The following SLC8A1 variants were observed in gnomAD, a reference collection of about 807,000 sequenced individuals.
The protein encoded by SLC8A1 is solute carrier family 8 member A1.
Under a neutral mutation model 68.3 loss-of-function variants are expected in SLC8A1, and 18 were observed. The ratio of observed to expected loss-of-function variants is 0.26; its 90% CI spans 0.18 to 0.39. The LOEUF is 0.39. SLC8A1 is among the 10% of genes least tolerant of loss of function. The pLI is 1.00. For synonymous variants in SLC8A1, 475 were observed against 415.5 expected (o/e 1.14, Z -1.74); for missense variants, 985 against 1,156.7 (o/e 0.85, Z 2.15).
intron 2 of SLC8A1, among the ~76,000 whole-genome samples, chr2:40,270,445 CT>C (rs2065886186): frequency 6.6e-6 from 1 of 152,220 alleles, no homozygotes. Flanking sequence ...TTCGGACAAT[CT>C]AGAGGAGAAT....
intron 2 of SLC8A1, among the ~76,000 whole-genome samples, chr2:40,240,111 A>G (rs2061013247): frequency 6.6e-6 from 1 of 152,210 alleles, no homozygotes; most frequent in South Asian, 2.1e-4. Flanking sequence ...GGACTCCAGT[A>G]TATCATTTTG....
chr2:40,397,534 C>T (rs1251308007), intron 2 of SLC8A1, among the ~76,000 whole-genome samples: 1 of 152,160 alleles, frequency 6.6e-6, no homozygotes, highest in African/African-American at 2.4e-5. Context: ...ACCATCTACG[C>T]ACTTGAAAGT....
intron 2 of SLC8A1, among the ~76,000 whole-genome samples, chr2:40,372,209 T>A (rs1319893738): frequency 6.6e-6 from 1 of 152,010 alleles, no homozygotes; most frequent in Non-Finnish European, 1.5e-5. Flanking sequence ...GAATGTAAAC[T>A]GATGCCATGG....
At chr2:40,302,411 C>G (rs887516952) in intron 2 of SLC8A1, among the ~76,000 whole-genome samples, 1 of 148,574 alleles carries the variant, frequency 6.7e-6, no homozygotes, top group Admixed American at 6.7e-5. Context: ...TTAATTCATT[C>G]CTTTTTATGG....
chr2:40,415,685 C>G (rs555917811), intron 2 of SLC8A1, among the ~76,000 whole-genome samples: 1 of 152,122 alleles, frequency 6.6e-6, no homozygotes, highest in Admixed American at 6.6e-5. Context: ...TTCCACTTGT[C>G]TCCAAAGAAA....
chr2:40,155,203 C>G (rs2044244678), intron 6 of SLC8A1, among the ~76,000 whole-genome samples: 1 of 152,064 alleles, frequency 6.6e-6, no homozygotes, highest in Non-Finnish European at 1.5e-5. Flanking sequence ...GATCTCTGCT[C>G]ACTGCAAGCT....
intron 2 of SLC8A1, among the ~76,000 whole-genome samples, chr2:40,288,252 T>G (rs181947029): frequency 6.6e-6 from 1 of 152,170 alleles, no homozygotes; most frequent in Non-Finnish European, 1.5e-5. Context: ...AAAATCAACT[T>G]TTCACCTGCT....
chr2:40,372,227 T>A (rs1357157889), intron 2 of SLC8A1, among the ~76,000 whole-genome samples: 1 of 151,950 alleles, frequency 6.6e-6, no homozygotes, highest in African/African-American at 2.4e-5. Flanking sequence ...TGGCTATATA[T>A]GGTCACAGAA....
At chr2:40,198,051 C>G (rs116409550) in intron 2 of SLC8A1, among the ~76,000 whole-genome samples, 107 of 152,064 alleles carry the variant, frequency 7.0e-4, no homozygotes, top group African/African-American at 2.3e-3. Flanking sequence ...TGAGGAACAG[C>G]AGAGGAACAT....
chr2:40,338,588 C>A (rs966686512), intron 2 of SLC8A1, among the ~76,000 whole-genome samples: 1 of 152,110 alleles, frequency 6.6e-6, no homozygotes, highest in African/African-American at 2.4e-5. Context: ...TGAAATCATT[C>A]AACAAATACA....
At chr2:40,255,524 G>C (rs551532338) in intron 2 of SLC8A1, among the ~76,000 whole-genome samples, 1 of 152,222 alleles carries the variant, frequency 6.6e-6, no homozygotes, top group Non-Finnish European at 1.5e-5. Flanking sequence ...TCTGGACTAA[G>C]TGTCAGGAAA....
At chr2:40,487,232 G>T (rs1195022321) in intron 1 of SLC8A1, among the ~76,000 whole-genome samples, 1 of 152,086 alleles carries the variant, frequency 6.6e-6, no homozygotes, top group African/African-American at 2.4e-5. Flanking sequence ...GGTAGCATGT[G>T]AGGTAAAATC....
At chr2:40,306,005 G>A (rs1266102506) in intron 2 of SLC8A1, among the ~76,000 whole-genome samples, 1 of 152,180 alleles carries the variant, frequency 6.6e-6, no homozygotes, top group East Asian at 1.9e-4. Flanking sequence ...ATGCTCCTAA[G>A]CAGCTGTTTC....
chr2:40,241,278 T>G (rs4952599), intron 2 of SLC8A1, among the ~76,000 whole-genome samples: 90,570 of 151,926 alleles, frequency 0.6, 30,177 homozygotes, highest in Non-Finnish European at 0.77. Flanking sequence ...TGTTCTCACT[T>G]ACAAATGGGA....
At chr2:40,469,977 T>C (rs1576627140) in intron 1 of SLC8A1, among the ~76,000 whole-genome samples, 1 of 152,162 alleles carries the variant, frequency 6.6e-6, no homozygotes, top group Non-Finnish European at 1.5e-5. Context: ...AAAACTATAA[T>C]TACTTTATCA....
exon 8 of SLC8A1, chr2:40,108,497 C>G (rs900028421): frequency 9.9e-5 from 15 of 152,132 alleles, no homozygotes; most frequent in Non-Finnish European, 1.9e-4. Context: ...TAAATACGCT[C>G]TTATTCTCAT....
chr2:40,337,290 G>T (rs1403926191), intron 2 of SLC8A1: 5 of 325,134 alleles, frequency 1.5e-5, no homozygotes, highest in Non-Finnish European at 3.5e-5. Context: ...TAAAATTTTA[G>T]TATGTTTATG....
chr2:40,193,356 C>T (rs926966582), intron 2 of SLC8A1, among the ~76,000 whole-genome samples: 7 of 152,010 alleles, frequency 4.6e-5, no homozygotes, highest in Non-Finnish European at 1.0e-4. Context: ...CCACATTAGG[C>T]ATTGGGGATA....
chr2:40,391,250 TTAAG>T (rs1340296677), intron 2 of SLC8A1, among the ~76,000 whole-genome samples: 1 of 151,168 alleles, frequency 6.6e-6, no homozygotes. Flanking sequence ...TCACAAATAA[TTAAG>T]TAATTCCATT....
Sources: gnomAD v4.1 joint callset for allele counts (sites outside exome capture counted in the v4.1 genomes callset) on GRCh38, gnomAD v4.1.1 for gene constraint, MANE v1.5 for transcripts, NCBI Gene and HGNC (gene_info 2026-07-23, HGNC 2026-07-21) for gene names.